Variants in SLC5A11 observed in about 807,000 individuals in gnomAD.
SLC5A11 encodes solute carrier family 5 member 11, also known as sodium/myo-inositol cotransporter 2.
Under a neutral mutation model 69.8 loss-of-function variants are expected in SLC5A11, and 48 were observed. That is an observed-to-expected ratio of 0.69 (90% CI 0.55 to 0.87). SLC5A11 has a LOEUF of 0.87. Among genes scored for constraint, SLC5A11 ranks in the 40% least tolerant of loss-of-function variants. The probability of loss-of-function intolerance (pLI) is 0.00; values close to 1 mark genes in which losing one functional copy is unlikely to be tolerated. For synonymous variants in SLC5A11, 319 were observed against 342.4 expected, an observed-to-expected ratio of 0.93 and a Z score of 0.75; for missense variants, 784 against 866.1, an observed-to-expected ratio of 0.91 and a Z score of 1.19.
chr16:24,848,070 T>C (rs557552979), intron 1 of SLC5A11, among the ~76,000 whole-genome samples: 4 of 152,068 alleles, frequency 2.6e-5, no homozygotes, highest in Admixed American at 1.3e-4. Flanking sequence ...CAGGCTGACA[T>C]CTAAAGGATG....
intron 3 of SLC5A11, among the ~76,000 whole-genome samples, chr16:24,868,847 C>T (rs2047088105): frequency 6.6e-6 from 1 of 150,940 alleles, no homozygotes; most frequent in Non-Finnish European, 1.5e-5. Context: ...TTCTTGCTCC[C>T]TCCTTTCCCC....
chr16:24,849,783 C>G (rs1311495022), intron 1 of SLC5A11, among the ~76,000 whole-genome samples: 2 of 151,220 alleles, frequency 1.3e-5, no homozygotes, highest in Non-Finnish European at 2.9e-5. Context: ...GGCATATGCC[C>G]TGTTACCCTG....
chr16:24,858,603 C>A lies in SLC5A11; in HGVS notation c.-24-17C>A, dbSNP rs758120207. 1 of 1,579,580 alleles carries A rather than the reference C, an allele frequency of 6.3e-7. No homozygotes were observed. Among genetic ancestry groups the A allele is most frequent in the African/African-American group, 1.3e-5 (1 of 74,406 alleles). On this transcript the variant is annotated splice_polypyrimidine_tract_variant and intron_variant, in intron 1 of 15. Transcript: ENST00000347898. ...ATGCTAGGATCTGGCATTTGACTGGCATTTGCCCTTCCTCAGGATCCAGAG... is the reference window on the plus strand; with the variant it reads ...ATGCTAGGATCTGGCATTTGACTGGAATTTGCCCTTCCTCAGGATCCAGAG...
chr16:24,857,627 T>C (rs1444620744), intron 1 of SLC5A11, among the ~76,000 whole-genome samples: 3 of 152,206 alleles, frequency 2.0e-5, no homozygotes, highest in Non-Finnish European at 4.4e-5. Context: ...CTAACAACGT[T>C]GAGTGAAATC....
chr16:24,875,558 G>A (rs1357190338), intron 5 of SLC5A11, 69 bp from the exon 7 acceptor site: 109 of 1,252,550 alleles, frequency 8.7e-5, no homozygotes, highest in Non-Finnish European at 1.2e-4. Context: ...GATGGGAAGG[G>A]CTTGTGTGGG....
chr16:24,883,524 G>A, intron 7 of SLC5A11, among the ~76,000 whole-genome samples: 1 of 152,192 alleles, frequency 6.6e-6, no homozygotes, highest in Admixed American at 6.5e-5. Flanking sequence ...TTCCCCACAA[G>A]TCCATGGGTT....
In SLC5A11 at chr16:24,885,313, T is replaced by C. The variant is rs918518291; in HGVS notation, c.664+1182T>C. On this transcript the variant is annotated intron_variant, in intron 8 of 15. Transcript: ENST00000347898. Reference sequence around the variant, plus strand: ...AGCGGGGGACACTACTCTCCACAGGTTTCTATCTTTTAGAGGTAAGCCACT... The same window carrying C: ...AGCGGGGGACACTACTCTCCACAGGCTTCTATCTTTTAGAGGTAAGCCACT... Among the ~76,000 whole-genome samples, 156 of 151,870 alleles carry C rather than the reference T, an allele frequency of 1.0e-3. 3 individuals carry two copies. Among genetic ancestry groups the C allele is most frequent in the Non-Finnish European group, 2.1e-4 (14 of 67,982 alleles).
chr16:24,846,123 G>A (rs1335868851), exon 1 of SLC5A11: 4 of 152,502 alleles, frequency 2.6e-5, no homozygotes, highest in African/African-American at 9.7e-5. Flanking sequence ...GCAGAGCGTG[G>A]GACATGTCAC....
chr16:24,881,013 G>A (rs2048009031), intron 7 of SLC5A11, among the ~76,000 whole-genome samples: 1 of 152,074 alleles, frequency 6.6e-6, no homozygotes, highest in Non-Finnish European at 1.5e-5. Context: ...AGACCAGCCT[G>A]GCCAATATAG....
At chr16:24,892,293 T>G (rs1420957111) in intron 9 of SLC5A11, among the ~76,000 whole-genome samples, 1 of 151,876 alleles carries the variant, frequency 6.6e-6, no homozygotes, top group Non-Finnish European at 1.5e-5. Context: ...GACCAAAGAC[T>G]TTGTAGAAGA....
At chr16:24,848,751 G>A (rs1207278006) in intron 1 of SLC5A11, among the ~76,000 whole-genome samples, 1 of 152,150 alleles carries the variant, frequency 6.6e-6, no homozygotes, top group African/African-American at 2.4e-5. Flanking sequence ...TTGCACTGCG[G>A]CTTGGTCAAG....
chr16:24,876,308 T>C (rs746509290), intron 6 of SLC5A11, among the ~76,000 whole-genome samples: 6 of 152,106 alleles, frequency 3.9e-5, no homozygotes, highest in Non-Finnish European at 8.8e-5. Flanking sequence ...CTCAGGATGA[T>C]GTGGGTTGAT....
exon 16 of SLC5A11, chr16:24,911,436 T>C: frequency 6.2e-7 from 1 of 1,614,172 alleles, no homozygotes; most frequent in African/African-American, 1.3e-5. Flanking sequence ...GCCATCATAG[T>C]TTCCCTGGAA....
intron 1 of SLC5A11, among the ~76,000 whole-genome samples, chr16:24,849,355 G>A (rs982547855): frequency 3.3e-5 from 5 of 151,664 alleles, no homozygotes; most frequent in Admixed American, 2.6e-4. Flanking sequence ...ATCACCCGAG[G>A]TCAGGAGTTC....
At chr16:24,895,599 G>T (rs531128371) in intron 9 of SLC5A11, among the ~76,000 whole-genome samples, 4 of 140,244 alleles carry the variant, frequency 2.9e-5, no homozygotes, top group Admixed American at 2.2e-4. Context: ...AAGGAGGGGA[G>T]GGGAGGGGAA....
exon 14 of SLC5A11, chr16:24,908,992 G>T: frequency 6.2e-7 from 1 of 1,614,124 alleles, no homozygotes; most frequent in East Asian, 2.2e-5. Context: ...CCCGGTCCTG[G>T]TGAAGAGCAT....
Position 24,898,118 on chromosome 16 carries a change from A to G in SLC5A11, c.1006+9A>G, listed in dbSNP as rs1477123383. On this transcript the variant is annotated intron_variant, in intron 10 of 15. Transcript: ENST00000347898. ...CCGCATCCTCTTCCCAGGTGAGAAC[A>G]CAGCTGGGGGAAGAGGTCATTGGTA... 1 of 1,613,354 alleles carries G rather than the reference A, an allele frequency of 6.2e-7. No individual in the cohort carries two copies.
chr16:24,887,815 G>C (rs988831898), intron 8 of SLC5A11, among the ~76,000 whole-genome samples: 5 of 152,064 alleles, frequency 3.3e-5, no homozygotes, highest in African/African-American at 1.2e-4. Context: ...GATATAATTT[G>C]CAAGTGGCAC....
intron 3 of SLC5A11, among the ~76,000 whole-genome samples, chr16:24,863,992 C>A (rs192008086): frequency 2.1e-4 from 32 of 152,320 alleles, no homozygotes; most frequent in Non-Finnish European, 3.4e-4. Flanking sequence ...TGTGCATAGC[C>A]TTTTCCCTAG....
Sources: gnomAD v4.1 joint callset for allele counts (sites outside exome capture counted in the v4.1 genomes callset) on GRCh38, gnomAD v4.1.1 for gene constraint, MANE v1.5 for transcripts, NCBI Gene and HGNC (gene_info 2026-07-23, HGNC 2026-07-21) for gene names.